CDH3: variants seen among roughly 807,000 people sequenced by gnomAD.
CDH3 encodes the protein cadherin-3.
A neutral mutation model predicts 82.0 loss-of-function variants in CDH3; 54 were observed. That is an observed-to-expected ratio of 0.66 (90% confidence interval 0.53 to 0.83). The LOEUF is 0.83. Ranked by LOEUF, CDH3 falls within the 40% of genes least tolerant of loss-of-function variation. The probability of loss-of-function intolerance (pLI) is 0.00; values close to 1 mark genes in which losing one functional copy is unlikely to be tolerated. For synonymous variants in CDH3, 446 were observed against 437.9 expected, an observed-to-expected ratio of 1.02 and a Z score of -0.23; for missense variants, 1,054 against 1,084.6, an observed-to-expected ratio of 0.97 and a Z score of 0.40.
intron 2 of CDH3, among the ~76,000 whole-genome samples, chr16:68,657,285 G>A (rs1320428196): frequency 1.4e-4 from 21 of 152,218 alleles, no homozygotes; most frequent in South Asian, 4.2e-4. Flanking sequence ...AGGCCTAGGC[G>A]GGTGGATCAC....
intron 11 of CDH3, 90 bp from the exon 12 acceptor site, chr16:68,687,422 A>G: frequency 1.1e-6 from 1 of 934,568 alleles, no homozygotes; most frequent in Non-Finnish European, 1.8e-6. Flanking sequence ...AGGTCTTGAG[A>G]GGTGAGAGCT....
chr16:68,700,595 G>A (rs1281922008), downstream of CDH3, among the ~76,000 whole-genome samples: 2 of 152,214 alleles, frequency 1.3e-5, no homozygotes, highest in South Asian at 2.1e-4. Context: ...CTTGAGGTCA[G>A]GGGTTCGAGA....
At chr16:68,688,709 C>G (rs1374981652) in intron 12 of CDH3, among the ~76,000 whole-genome samples, 1 of 152,148 alleles carries the variant, frequency 6.6e-6, no homozygotes, top group Non-Finnish European at 1.5e-5. Context: ...TCACTGCAAC[C>G]TCCGCTTCCC....
At chr16:68,731,431 CACATAT>C (rs1332292662), downstream of CDH3, among the ~76,000 whole-genome samples, 743 of 20,412 alleles carry the variant, frequency 0.036, 210 homozygotes, top group African/African-American at 0.088. Flanking sequence ...CACATATATA[CACATAT>C]ATATACACAC....
intron 2 of CDH3, among the ~76,000 whole-genome samples, chr16:68,662,870 T>G (rs1245105670): frequency 2.2e-5 from 3 of 135,484 alleles, no homozygotes; most frequent in Non-Finnish European, 3.2e-5. Flanking sequence ...TAAAGTTTTT[T>G]TTTTTTTTTT....
At position 68,678,267 on chromosome 16, in the gene CDH3, G is replaced by T; in HGVS notation, c.380G>T (p.Arg127Ile). 3.7e-6 allele frequency: 6 copies of T among 1,614,176 alleles called. No individual in the cohort carries two copies. The highest frequency in any genetic ancestry group is 5.1e-6 in the Non-Finnish European group (6 of 1,180,012). Residue 127 changes from arginine to isoleucine, a missense_variant, in exon 4 of 16, where the codon AGA becomes ATA. Coordinates refer to ENST00000264012, the MANE Select transcript of CDH3 (RefSeq NM_001793.6). ...AATGGCAAGGGTCCCTTCCCCCAGA[G>T]ACTGAATCAGGTACGACTGTGCCTT... ...PENGKGPFPQ[R>I]LNQLKSNKDR...
Position 68,645,731 on chromosome 16 carries a change from C to G in CDH3, c.141C>G (p.Pro47=), listed in dbSNP as rs74619658. 3.9e-4 allele frequency: 595 copies of G among 1,544,556 alleles called. 4 individuals are homozygous for G. In the East Asian group the frequency reaches 0.013, roughly 33 times the overall value. ...AGGCGGGAGGCGCGGAGCAGGAGCC[C>G]GGCCAGGCGCTGGGGAAAGGTAAGA... ...TLEAGGAEQE[P]GQALGKVFMG... is the part of the protein sequence containing the mutation. Residue 47 remains proline, a synonymous_variant, in exon 2 of 16, where the codon CCC becomes CCG. Transcript: ENST00000264012.
chr16:68,675,470 G>A (rs1024600512), intron 2 of CDH3, among the ~76,000 whole-genome samples: 1 of 152,162 alleles, frequency 6.6e-6, no homozygotes, highest in African/African-American at 2.4e-5. Context: ...TTGGAGTCGG[G>A]TAGACCTGGC....
chr16:68,685,359 A>G lies in CDH3; in HGVS notation c.1570+9A>G, dbSNP rs1567452221. ...CTTGGCCATGGACAATGGTGAGAGCATCCTCCCAGCCCTCCCACAAGGGCC... is the reference window on the plus strand; with the variant it reads ...CTTGGCCATGGACAATGGTGAGAGCGTCCTCCCAGCCCTCCCACAAGGGCC... On this transcript the variant is annotated intron_variant, in intron 11 of 15. Coordinates refer to ENST00000264012, the MANE Select transcript of CDH3 (RefSeq NM_001793.6). 6.2e-7 allele frequency: 1 copy of G among 1,613,810 alleles called. No individual in the cohort carries two copies. Among genetic ancestry groups the G allele is most frequent in the Non-Finnish European group, 8.5e-7 (1 of 1,179,964 alleles).
intron 2 of CDH3, among the ~76,000 whole-genome samples, chr16:68,666,051 A>G (rs1960725778): frequency 1.3e-5 from 2 of 152,062 alleles, no homozygotes; most frequent in Non-Finnish European, 1.5e-5. Flanking sequence ...CCATTTCCCA[A>G]TCTTTCCACC....
At chr16:68,647,787 C>G (rs571826778) in intron 2 of CDH3, among the ~76,000 whole-genome samples, 10 of 152,140 alleles carry the variant, frequency 6.6e-5, no homozygotes, top group Non-Finnish European at 1.5e-4. Context: ...CACCCTAGTT[C>G]CTCATCCTCA....
intron 13 of CDH3, among the ~76,000 whole-genome samples, chr16:68,692,835 T>C (rs1961612723): frequency 6.6e-6 from 1 of 152,214 alleles, no homozygotes; most frequent in Non-Finnish European, 1.5e-5. Flanking sequence ...CTGGGCGCAG[T>C]GGCTCACACT....
At chr16:68,705,683 A>G (rs931086549) in intron 1 of CDH3, among the ~76,000 whole-genome samples, 2 of 151,244 alleles carry the variant, frequency 1.3e-5, no homozygotes, top group African/African-American at 4.9e-5. Context: ...CGGCCTCCCA[A>G]ACTGCTGGGA....
intron 13 of CDH3, 106 bp from the exon 14 acceptor site, chr16:68,695,149 G>A (rs567166449): frequency 4.3e-6 from 5 of 1,171,700 alleles, no homozygotes; most frequent in African/African-American, 1.5e-5. Context: ...GTTAAGCTCT[G>A]GCTACTGAGT....
chr16:68,651,012 A>G, intron 2 of CDH3: 2 of 352,426 alleles, frequency 5.7e-6, no homozygotes. Context: ...GTGGGGAGAG[A>G]GCGTGCTGGG....
downstream of CDH3, among the ~76,000 whole-genome samples, chr16:68,704,718 G>C (rs778232337): frequency 1.3e-5 from 2 of 152,174 alleles, no homozygotes; most frequent in African/African-American, 4.8e-5. Flanking sequence ...ATGTTCTCCC[G>C]CCTCACAACC....
intron 1 of CDH3, among the ~76,000 whole-genome samples, chr16:68,719,257 A>T (rs1182128371): frequency 6.6e-6 from 1 of 150,420 alleles, no homozygotes; most frequent in East Asian, 1.9e-4. Flanking sequence ...AAAAAAAGAA[A>T]AAAAAAAAAG....
chr16:68,688,409 G>A (rs1234763228), intron 12 of CDH3, among the ~76,000 whole-genome samples: 1 of 151,966 alleles, frequency 6.6e-6, no homozygotes, highest in Non-Finnish European at 1.5e-5. Context: ...CCAATATGGT[G>A]AAACCCCGTC....
chr16:68,685,180 A>T, intron 10 of CDH3, 25 bp from the exon 11 acceptor site: 4 of 1,613,290 alleles, frequency 2.5e-6, no homozygotes, highest in Non-Finnish European at 3.4e-6. Flanking sequence ...TTCTGGATGT[A>T]CTCGTCTCAA....
Sources: gnomAD v4.1 joint callset for allele counts (sites outside exome capture counted in the v4.1 genomes callset) on GRCh38, gnomAD v4.1.1 for gene constraint, MANE v1.5 for transcripts, NCBI Gene and HGNC (gene_info 2026-07-23, HGNC 2026-07-21) for gene names.